The following TMED3 variants were observed in gnomAD, a reference collection of about 807,000 sequenced individuals.
TMED3 encodes transmembrane p24 trafficking protein 3, also known as transmembrane emp24 domain-containing protein 3.
TMED3 carries 9 observed loss-of-function variants against 15.0 expected under a neutral mutation model. The observed-to-expected ratio is 0.60, with a 90% confidence interval of 0.36 to 1.04. TMED3 has a LOEUF of 1.04. Among genes scored for constraint, TMED3 ranks in the 50% least tolerant of loss-of-function variants. The pLI is 0.01. For missense variants in TMED3, 267 were observed against 278.9 expected, an observed-to-expected ratio of 0.96 and a Z score of 0.30; for synonymous variants, 117 against 121.4, an observed-to-expected ratio of 0.96 and a Z score of 0.24.
chr15:79,334,931 G>A (rs530230305), intron 2 of TMED3, among the ~76,000 whole-genome samples: 2 of 152,196 alleles, frequency 1.3e-5, no homozygotes, highest in Non-Finnish European at 2.9e-5. Context: ...TTTCAGAAAT[G>A]ATAGTTAACT....
intron 2 of TMED3, among the ~76,000 whole-genome samples, chr15:79,388,588 T>C (rs1893657741): frequency 6.6e-6 from 1 of 152,204 alleles, no homozygotes; most frequent in South Asian, 2.1e-4. Context: ...TTTTGTATAA[T>C]GACTTCTTTT....
At chr15:79,318,581 G>T (rs1486605920) in intron 2 of TMED3, among the ~76,000 whole-genome samples, 1 of 152,228 alleles carries the variant, frequency 6.6e-6, no homozygotes, top group Non-Finnish European at 1.5e-5. Context: ...TGCCTGTATA[G>T]GTAGTGCCTG....
intron 2 of TMED3, among the ~76,000 whole-genome samples, chr15:79,378,256 A>G (rs1477002895): frequency 6.6e-6 from 1 of 152,224 alleles, no homozygotes; most frequent in African/African-American, 2.4e-5. Flanking sequence ...TTGATAAGTC[A>G]TTATTGAGTA....
At chr15:79,337,614 T>A (rs1437726623) in intron 2 of TMED3, among the ~76,000 whole-genome samples, 11 of 152,222 alleles carry the variant, frequency 7.2e-5, no homozygotes, top group Non-Finnish European at 2.9e-5. Flanking sequence ...ATTTCGTAGC[T>A]TGAATTACTT....
At chr15:79,383,744 TTG>T (rs949954324) in intron 2 of TMED3, 32 of 152,420 alleles carry the variant, frequency 2.1e-4, no homozygotes, top group Admixed American at 2.0e-3. Context: ...AAAGCTGATG[TTG>T]TGTTGTCCAA....
intron 2 of TMED3, among the ~76,000 whole-genome samples, chr15:79,329,569 A>T (rs2058799980): frequency 6.6e-6 from 1 of 152,154 alleles, no homozygotes; most frequent in Non-Finnish European, 1.5e-5. Flanking sequence ...AGAGGGAGAG[A>T]GTGTGAAGCT....
intron 2 of TMED3, among the ~76,000 whole-genome samples, chr15:79,346,202 T>C (rs1034763708): frequency 3.9e-5 from 6 of 152,194 alleles, no homozygotes; most frequent in African/African-American, 1.4e-4. Context: ...TTGCTTTTGG[T>C]GTCTTTGTCA....
chr15:79,404,844 A>G (rs1012477066), intron 2 of TMED3, among the ~76,000 whole-genome samples: 11 of 152,242 alleles, frequency 7.2e-5, no homozygotes, highest in African/African-American at 2.4e-4. Flanking sequence ...GGGCAGCAGC[A>G]TTCCTGCTTT....
At chr15:79,366,429 C>T (rs1893235988) in intron 2 of TMED3, among the ~76,000 whole-genome samples, 2 of 152,236 alleles carry the variant, frequency 1.3e-5, no homozygotes, top group African/African-American at 4.8e-5. Flanking sequence ...CCCAGATAGT[C>T]ACCGCTCATC....
chr15:79,317,966 G>A (rs1443573575), intron 2 of TMED3, among the ~76,000 whole-genome samples: 4 of 152,196 alleles, frequency 2.6e-5, no homozygotes. Context: ...AGAGCCACAC[G>A]ATAAAGTCTT....
intron 2 of TMED3, among the ~76,000 whole-genome samples, chr15:79,404,787 A>G (rs1893881149): frequency 6.6e-6 from 1 of 152,124 alleles, no homozygotes; most frequent in Admixed American, 6.5e-5. Flanking sequence ...CACTGGGAGG[A>G]TTTACCTTCC....
intron 2 of TMED3, among the ~76,000 whole-genome samples, chr15:79,337,260 C>T (rs1490133151): frequency 6.6e-6 from 1 of 152,136 alleles, no homozygotes; most frequent in African/African-American, 2.4e-5. Flanking sequence ...CTTCTGTGTC[C>T]TCACACGGTC....
chr15:79,336,250 C>T (rs139084795), intron 2 of TMED3, among the ~76,000 whole-genome samples: 5 of 152,240 alleles, frequency 3.3e-5, no homozygotes, highest in Non-Finnish European at 5.9e-5. Flanking sequence ...GTAAATCTTC[C>T]CCTCTCTGAA....
intron 2 of TMED3, among the ~76,000 whole-genome samples, chr15:79,336,160 G>A (rs1351233894): frequency 6.6e-6 from 1 of 152,204 alleles, no homozygotes; most frequent in African/African-American, 2.4e-5. Context: ...CTGAAGTGTG[G>A]CTGTGGAGTC....
At chr15:79,349,279 T>C (rs148050762) in intron 2 of TMED3, among the ~76,000 whole-genome samples, 1 of 152,354 alleles carries the variant, frequency 6.6e-6, no homozygotes, top group East Asian at 1.9e-4. Context: ...TATTCCACAA[T>C]GCTTATATAC....
At chr15:79,320,522 G>C (rs2058761775) in intron 2 of TMED3, among the ~76,000 whole-genome samples, 1 of 152,122 alleles carries the variant, frequency 6.6e-6, no homozygotes, top group East Asian at 1.9e-4. Flanking sequence ...GAGTGACTTG[G>C]TCTTTTCTAG....
chr15:79,373,529 G>A (rs1478557813), intron 2 of TMED3, among the ~76,000 whole-genome samples: 2 of 146,436 alleles, frequency 1.4e-5, no homozygotes, highest in African/African-American at 5.3e-5. Context: ...AGCATACAAA[G>A]CAAGAGACAG....
At chr15:79,411,594 C>T (rs1006719140) in exon 3 of TMED3, 1 of 677,284 alleles carries the variant, frequency 1.5e-6, no homozygotes, top group African/African-American at 1.8e-5. Flanking sequence ...ACAGAGCTAC[C>T]ATGCACTGGG....
chr15:79,390,406 A>G (rs1051162387), intron 2 of TMED3, among the ~76,000 whole-genome samples: 2 of 152,258 alleles, frequency 1.3e-5, no homozygotes, highest in East Asian at 1.9e-4. Context: ...TGACTTGCGT[A>G]TGTTAAACCA....
Sources: allele counts gnomAD v4.1 joint callset (sites outside exome capture counted in the v4.1 genomes callset), GRCh38; gene constraint gnomAD v4.1.1; transcripts MANE v1.5; gene names NCBI Gene and HGNC (gene_info 2026-07-23, HGNC 2026-07-21).